TRMT44: variants seen among roughly 807,000 people sequenced by gnomAD.
The protein encoded by TRMT44 is probable tRNA (uracil-O(2)-)-methyltransferase.
Under a neutral mutation model 77.3 loss-of-function variants are expected in TRMT44, and 78 were observed. The observed-to-expected ratio is 1.01, with a 90% confidence interval of 0.84 to 1.22. TRMT44 has a LOEUF of 1.22. TRMT44 is among the 50% of genes most tolerant of loss of function. TRMT44 has a pLI of 0.00. For synonymous variants in TRMT44, 391 were observed against 383.3 expected (o/e 1.02, Z -0.23); for missense variants, 1,090 against 964.4 (o/e 1.13, Z -1.73).
At chr4:8,486,916 G>A (rs1727828100) in intron 2 of TRMT44, among the ~76,000 whole-genome samples, 2 of 152,256 alleles carry the variant, frequency 1.3e-5, no homozygotes, top group South Asian at 4.1e-4. Context: ...AGGGAGGAGG[G>A]GAGAGGTCAG....
At position 8,454,377 on chromosome 4, in the gene TRMT44, A is replaced by ACC. The variant is rs1579050625; in HGVS notation, c.1132-365_1132-364insCC. 6.1e-5 allele frequency: 14 copies of ACC among 228,728 alleles called. No homozygotes were observed. The East Asian group carries it at 1.3e-3, about 21-fold the overall frequency. 14.2% of individuals were successfully genotyped at this position (228,728 alleles called of 1,614,324 possible). A position where few individuals can be genotyped will look rare whatever the true frequency, so the allele number is the denominator to read the frequency against. On this transcript the variant is annotated intron_variant, in intron 5 of 10. Transcript: ENST00000389737. ...AATTCTGGTGTCATCCATGAATGCTAATGACACACTTGAAAAAGGGCACTG... is the reference window on the plus strand; with the variant it reads ...AATTCTGGTGTCATCCATGAATGCTACCATGACACACTTGAAAAAGGGCACTG...
downstream of TRMT44, among the ~76,000 whole-genome samples, chr4:8,495,941 C>T (rs112131936): frequency 3.9e-4 from 59 of 152,326 alleles, 1 homozygote; most frequent in African/African-American, 1.4e-3. Context: ...TGGGCGGGGC[C>T]TATTCATTCT....
intron 10 of TRMT44, among the ~76,000 whole-genome samples, chr4:8,475,082 A>G (rs1253237458): frequency 6.6e-6 from 1 of 152,102 alleles, no homozygotes; most frequent in Non-Finnish European, 1.5e-5. Context: ...GTTACTCCAC[A>G]CTTGCACCTG....
intron 6 of TRMT44, among the ~76,000 whole-genome samples, chr4:8,458,459 C>CTTTTTTT (rs1156752172): frequency 6.3e-5 from 9 of 142,728 alleles, no homozygotes; most frequent in African/African-American, 2.1e-4. Context: ...ATTTTCTTTT[C>CTTTTTTT]TTTTCTTTTT....
intron 10 of TRMT44, among the ~76,000 whole-genome samples, 170 bp from the exon 11 acceptor site, chr4:8,475,602 T>C (rs903835128): frequency 6.6e-6 from 1 of 152,142 alleles, no homozygotes; most frequent in African/African-American, 2.4e-5. Context: ...CCTCAGTCAC[T>C]CCCACTGGAG....
downstream of TRMT44, among the ~76,000 whole-genome samples, chr4:8,495,348 G>C (rs890521496): frequency 3.3e-5 from 5 of 152,194 alleles, no homozygotes; most frequent in African/African-American, 1.2e-4. Flanking sequence ...CCAGAGTCAG[G>C]ATTTCCACGC....
chr4:8,480,574 A>G (rs987043647), downstream of TRMT44, among the ~76,000 whole-genome samples: 2 of 152,132 alleles, frequency 1.3e-5, no homozygotes, highest in African/African-American at 4.8e-5. Context: ...CACTTACCCA[A>G]TTCCTGAGAT....
chr4:8,453,264 T>C, intron 5 of TRMT44: 1 of 225,388 alleles, frequency 4.4e-6, no homozygotes, highest in Non-Finnish European at 8.6e-6. Flanking sequence ...TGGATGTTTT[T>C]TTGCTGTCAG....
intron 6 of TRMT44, among the ~76,000 whole-genome samples, chr4:8,459,755 C>T (rs1726034957): frequency 6.6e-6 from 1 of 152,066 alleles, no homozygotes; most frequent in South Asian, 2.1e-4. Context: ...TTTGAGTGTC[C>T]CCTACCTGCC....
chr4:8,461,319 T>C lies in TRMT44; in HGVS notation c.1204-2666T>C, dbSNP rs1338465475. Among the ~76,000 whole-genome samples the C allele has an allele frequency of 6.6e-6, 1 of 152,154 alleles. No homozygotes were observed. The highest frequency in any genetic ancestry group is 1.5e-5 in the Non-Finnish European group (1 of 68,038). On this transcript the variant is annotated intron_variant, in intron 6 of 10. Coordinates refer to ENST00000389737, the MANE Select transcript of TRMT44 (RefSeq NM_152544.3). The surrounding 1 kb of genome is among the most constrained non-coding windows in gnomAD (Gnocchi z 4.6). The stretch of plus-strand genomic sequence containing the variant: ...AGGCTCTGCAAATATGTGTGTAGAC[T>C]ATAGACTCTCACACATGTCCCAGAA...
the TRMT44 span, among the ~76,000 whole-genome samples, chr4:8,504,095 G>A: frequency 1.3e-5 from 2 of 152,100 alleles, no homozygotes; most frequent in African/African-American, 2.4e-5. The surrounding 1 kb of genome is among the most constrained non-coding windows in gnomAD (Gnocchi z 5.3). Flanking sequence ...GGGCATCTTG[G>A]TGGTGGCTGC....
the TRMT44 span, among the ~76,000 whole-genome samples, chr4:8,511,388 T>TCCC: frequency 6.6e-6 from 1 of 151,960 alleles, no homozygotes; most frequent in Non-Finnish European, 1.5e-5. Flanking sequence ...ATGTCCCCCC[T>TCCC]CCCCCACAAA....
chr4:8,452,987 G>T lies in TRMT44; in HGVS notation c.1129G>T (p.Gly377Trp). Residue 377 changes from glycine to tryptophan, a missense_variant and splice_region_variant, in exon 5 of 11, where the codon GGG (glycine) becomes TGG (tryptophan). Coordinates refer to ENST00000389737, the MANE Select transcript of TRMT44 (RefSeq NM_152544.3). This position sits in a 1 kb window ranked among gnomAD's most constrained non-coding sequence, Gnocchi z 5.7. ...CCTGGTCCACATCCTGAGCAGTGAG[G>T]GGGTAAGGCCCGGCTCCATCACCTT... ...GLLVHILSSE[G>W]HPGRGIDVRR... The T allele has an allele frequency of 1.3e-6, 2 of 1,513,884 alleles. No homozygotes were observed. Among genetic ancestry groups the T allele is most frequent in the African/African-American group, 1.4e-5 (1 of 71,722 alleles). 93.8% of individuals were successfully genotyped at this position (1,513,884 alleles called of 1,614,324 possible).
chr4:8,441,819 G>C (rs1035355514), intron 1 of TRMT44, among the ~76,000 whole-genome samples: 1 of 152,248 alleles, frequency 6.6e-6, no homozygotes, highest in African/African-American at 2.4e-5. Context: ...AGTGCATAAA[G>C]ATTGGGGGCC....
chr4:8,465,429 C>T lies in TRMT44; in HGVS notation c.1362C>T (p.Phe454=), dbSNP rs749003283. Residue 454 remains phenylalanine (F), a synonymous_variant, in exon 8 of 11, where the codon TTC becomes TTT. Coordinates refer to ENST00000389737, the MANE Select transcript of TRMT44 (RefSeq NM_152544.3). ...TCCTCCCCTGCTGCTTCTTTGACTT[C>T]ATTGGAAGATACTCCCGGAGGCAGA... ...FFVLPCCFFD[F]IGRYSRRQSK... is the part of the protein sequence containing the mutation. 8 of 1,614,016 alleles carry T rather than the reference C, an allele frequency of 5.0e-6. No individual in the cohort carries two copies. In the South Asian group the frequency reaches 8.8e-5, roughly 18 times the overall value.
intron 2 of TRMT44, among the ~76,000 whole-genome samples, chr4:8,483,388 CAGAAGAT>C (rs1384368432): frequency 2.6e-5 from 4 of 151,176 alleles, no homozygotes; most frequent in Non-Finnish European, 5.9e-5. Context: ...TATGACTAGA[CAGAAGAT>C]AGTAGGGTTG....
intron 8 of TRMT44, among the ~76,000 whole-genome samples, chr4:8,466,634 G>A (rs1726572582): frequency 6.6e-6 from 1 of 152,234 alleles, no homozygotes; most frequent in Non-Finnish European, 1.5e-5. Context: ...TCTGAGTTCA[G>A]AATTGATTTG....
the TRMT44 span, among the ~76,000 whole-genome samples, chr4:8,500,659 C>CTTTT: frequency 4.1e-4 from 58 of 140,550 alleles, no homozygotes; most frequent in African/African-American, 1.1e-3. Flanking sequence ...GCACTGTTTA[C>CTTTT]TTTTTTTTTT....
Position 8,454,760 on chromosome 4 carries a change from G to T in TRMT44, c.1150G>T (p.Asp384Tyr), listed in dbSNP as rs755615820. Residue 384 changes from aspartate to tyrosine, a missense_variant, in exon 6 of 11, where the codon GAT (aspartate) becomes TAT (tyrosine). Asp to Tyr is a radical substitution (Grantham distance 160). Coordinates refer to ENST00000389737, the MANE Select transcript of TRMT44 (RefSeq NM_152544.3). ...TTTTCAGCATCCAGGCAGAGGGATT[G>T]ATGTCCGAAGAAGAAAAATCTGGGA... is the stretch of plus-strand genomic sequence containing the variant. Reference protein sequence around the residue: ...SSEGHPGRGIDVRRRKIWDMY... With the variant: ...SSEGHPGRGIYVRRRKIWDMY... 9 of 1,614,226 alleles carry T rather than the reference G, an allele frequency of 5.6e-6. No individual in the cohort carries two copies. The highest frequency in any genetic ancestry group is 7.6e-6 in the Non-Finnish European group (9 of 1,180,024).
Sources: allele counts gnomAD v4.1 joint callset (sites outside exome capture counted in the v4.1 genomes callset), GRCh38; gene constraint gnomAD v4.1.1; non-coding constraint Gnocchi (gnomAD v3.1); transcripts MANE v1.5; gene names NCBI Gene and HGNC (gene_info 2026-07-23, HGNC 2026-07-21).